SDC1: variants seen among roughly 807,000 people sequenced by gnomAD.
The protein encoded by SDC1 is syndecan 1.
SDC1 carries 14 observed loss-of-function variants against 29.7 expected under a neutral mutation model. That is an observed-to-expected ratio of 0.47 (90% CI 0.31 to 0.74). SDC1 has a LOEUF of 0.74. Ranked by LOEUF, SDC1 falls within the 30% of genes least tolerant of loss-of-function variation. The pLI is 0.05. For missense variants in SDC1, 406 were observed against 400.3 expected (o/e 1.01, Z -0.12); for synonymous variants, 204 against 175.5 (o/e 1.16, Z -1.29).
rs1230103319 is a variant in SDC1 at position 20,202,012 on chromosome 2, C to T, written c.*754G>A. 1 of 470,690 alleles carries T rather than the reference C, an allele frequency of 2.1e-6. No individual in the cohort carries two copies. The highest frequency in any genetic ancestry group is 3.7e-6 in the Non-Finnish European group (1 of 267,784). 29.2% of individuals were successfully genotyped at this position (470,690 alleles called of 1,614,324 possible). On this transcript the variant is annotated 3_prime_UTR_variant, in exon 5 of 5. Coordinates refer to ENST00000254351, the MANE Select transcript of SDC1 (RefSeq NM_002997.5). ...GGGCCACCAGACAGATAGTCCATAC[C>T]CTGTTGCACACATGAGCGACAAACT...
intron 1 of SDC1, among the ~76,000 whole-genome samples, chr2:20,219,045 C>G (rs572472876): frequency 6.6e-6 from 1 of 152,222 alleles, no homozygotes; most frequent in African/African-American, 2.4e-5. Context: ...CCGAGCGCAG[C>G]AGGAGAGGTC....
In SDC1 at chr2:20,202,347, T is replaced by C. The variant is rs762502252; in HGVS notation, c.*419A>G. 6 of 768,184 alleles carry C rather than the reference T, an allele frequency of 7.8e-6. No homozygotes were observed. Among genetic ancestry groups the C allele is most frequent in the Non-Finnish European group, 1.5e-5 (6 of 413,646 alleles). 47.6% of individuals were successfully genotyped at this position (768,184 alleles called of 1,614,324 possible). Reference sequence around the variant, plus strand: ...GCGGCCACCCCCCCAAGATGCTTGGTCCTACCAGTAAGTGCTACAGGTGTG... The same window carrying C: ...GCGGCCACCCCCCCAAGATGCTTGGCCCTACCAGTAAGTGCTACAGGTGTG... On this transcript the variant is annotated 3_prime_UTR_variant, in exon 5 of 5. Coordinates refer to ENST00000254351, the MANE Select transcript of SDC1 (RefSeq NM_002997.5).
intron 1 of SDC1, among the ~76,000 whole-genome samples, chr2:20,205,754 C>T (rs1677246227): frequency 6.6e-6 from 1 of 152,214 alleles, no homozygotes. Context: ...TTATTGGGAA[C>T]AGAGGCTGTG....
At chr2:20,217,618 G>T (rs1248039113) in intron 1 of SDC1, among the ~76,000 whole-genome samples, 1 of 152,170 alleles carries the variant, frequency 6.6e-6, no homozygotes, top group African/African-American at 2.4e-5. Context: ...AGAAAGCCAG[G>T]CCCCTGAGCC....
chr2:20,208,944 C>T (rs756555884), intron 1 of SDC1, among the ~76,000 whole-genome samples: 9 of 152,224 alleles, frequency 5.9e-5, no homozygotes, highest in Non-Finnish European at 1.3e-4. Context: ...GCCCCTTCCC[C>T]ACCCACAGCG....
At position 20,203,130 on chromosome 2, in the gene SDC1, C is replaced by T. The variant is rs772133983; in HGVS notation, c.720G>A (p.Thr240=). 6.2e-6 allele frequency: 10 copies of T among 1,612,212 alleles called. No individual in the cohort carries two copies. The highest frequency in any genetic ancestry group is 5.0e-5 in the Admixed American group (3 of 59,986). The change falls in exon 4 of 5, where the codon ACG becomes ACA. Residue 240 remains threonine, a synonymous_variant. Transcript: ENST00000254351. Reference sequence around the variant, plus strand: ...TGTCCAGGAGGCCCTGTGAGGCCCCCGTGGCCCCCTGATCCACTGGGGACT... The same window carrying T: ...TGTCCAGGAGGCCCTGTGAGGCCCCTGTGGCCCCCTGATCCACTGGGGACT... ...RNQSPVDQGA[T]GASQGLLDRK... is the part of the protein sequence containing the mutation.
At chr2:20,209,260 G>A (rs1293915877) in intron 1 of SDC1, among the ~76,000 whole-genome samples, 4 of 152,140 alleles carry the variant, frequency 2.6e-5, no homozygotes, top group African/African-American at 9.7e-5. Context: ...TGAGGCAGCG[G>A]GGCTGAGATC....
chr2:20,207,422 A>C, intron 1 of SDC1: 2 of 984,010 alleles, frequency 2.0e-6, no homozygotes, highest in African/African-American at 1.7e-5. Context: ...TCTACAATAA[A>C]CAGTCATTGA....
At position 20,216,161 on chromosome 2, in the gene SDC1, C is replaced by G. The variant is rs3771234; in HGVS notation, c.66+8641G>C. Among the ~76,000 whole-genome samples, 21 of 152,352 alleles carry G rather than the reference C, an allele frequency of 1.4e-4. No homozygotes were observed. The East Asian group carries it at 4.1e-3, about 29-fold the overall frequency. On this transcript the variant is annotated intron_variant, in intron 1 of 4. Coordinates refer to ENST00000254351, the MANE Select transcript of SDC1 (RefSeq NM_002997.5). ...CCGAGGAGACTCAGGGGTGAGCTTCCTGGACTTTCCAGGCCTGACCCCAGG... is the reference window on the plus strand; with the variant it reads ...CCGAGGAGACTCAGGGGTGAGCTTCGTGGACTTTCCAGGCCTGACCCCAGG...
chr2:20,204,042 G>C lies in SDC1; in HGVS notation c.398C>G (p.Thr133Ser). 6.2e-7 allele frequency: 1 copy of C among 1,612,322 alleles called. No individual in the cohort carries two copies. The highest frequency in any genetic ancestry group is 8.5e-7 in the Non-Finnish European group (1 of 1,179,336). The stretch of plus-strand genomic sequence containing the variant: ...TGTGGTCGTTGAGGCCAGATGAGTG[G>C]TCGGGAGCTGTGTGGTCTCCCTGGG... ...PRPRETTQLP[T>S]THLASTTTAT... is the part of the protein sequence containing the mutation. Residue 133 changes from threonine (T) to serine (S), a missense_variant, in exon 3 of 5, where the codon ACC becomes AGC. Physicochemically the swap from Thr to Ser is moderately conservative, Grantham distance 58 (BLOSUM62 1). Transcript: ENST00000254351.
rs1156890085 is a variant in SDC1, at chr2:20,202,924, C to T, written c.775G>A (p.Gly259Arg). 3.7e-6 allele frequency: 6 copies of T among 1,611,114 alleles called. No homozygotes were observed. The highest frequency in any genetic ancestry group is 1.1e-5 in the South Asian group (1 of 90,660). ...RKEVLGGVIA[G>R]GLVGLIFAVC... The stretch of plus-strand genomic sequence containing the variant: ...GCAAAGATGAGCCCCACGAGGCCTC[C>T]GGCAATGACCCCTAGGGCAGGTAGA... The change falls in exon 5 of 5, where the codon GGA becomes AGA. Residue 259 changes from glycine (G) to arginine (R), a missense_variant. Gly to Arg is a moderately radical substitution (Grantham distance 125). Transcript: ENST00000254351.
Position 20,204,024 on chromosome 2 carries a change from G to T in SDC1, c.416C>A (p.Thr139Lys), listed in dbSNP as rs542463050. ...CTCCTGGGCCGTGGTGGCTGTGGTC[G>T]TTGAGGCCAGATGAGTGGTCGGGAG... ...TQLPTTHLASTTTATTAQEPA... is the reference protein window; with the variant it reads ...TQLPTTHLASKTTATTAQEPA... Residue 139 changes from threonine (T) to lysine (K), a missense_variant, in exon 3 of 5, where the codon ACG (threonine) becomes AAG (lysine). Transcript: ENST00000254351. 1.9e-6 allele frequency: 3 copies of T among 1,613,270 alleles called. No homozygotes were observed. The highest frequency in any genetic ancestry group is 2.5e-6 in the Non-Finnish European group (3 of 1,179,626).
In SDC1 at chr2:20,202,377, C is replaced by T; in HGVS notation, c.*389G>A. The T allele has an allele frequency of 1.4e-6, 1 of 730,630 alleles. No homozygotes were observed. The allele number at this position is 730,630 out of a possible 1,614,324, so 45.3% of individuals were successfully genotyped here. On this transcript the variant is annotated 3_prime_UTR_variant, in exon 5 of 5. Transcript: ENST00000254351. Reference sequence around the variant, plus strand: ...CCAGTAAGTGCTACAGGTGTGTGAGCCCCAAGCCCCACCCGCAGGATCTTC... The same window carrying T: ...CCAGTAAGTGCTACAGGTGTGTGAGTCCCAAGCCCCACCCGCAGGATCTTC...
Position 20,204,143 on chromosome 2 carries a change from G to T in SDC1, c.297C>A (p.Pro99=). ...GCAGGACTACAGCCTCTCCCTCCTT[G>T]GGCCCCTCTCCAGCCGGCAGGGTGG... The part of the protein sequence containing the change: ...STSTLPAGEG[P]KEGEAVVLPE... Residue 99 remains proline (P), a synonymous_variant, in exon 3 of 5, where the codon CCC becomes CCA. Coordinates refer to ENST00000254351, the MANE Select transcript of SDC1 (RefSeq NM_002997.5). 6.2e-7 allele frequency: 1 copy of T among 1,603,302 alleles called. No individual in the cohort carries two copies.
intron 2 of SDC1, 35 bp downstream of exon 2, chr2:20,205,308 G>C (rs201351021): frequency 6.5e-7 from 1 of 1,546,262 alleles, no homozygotes; most frequent in South Asian, 1.1e-5. Context: ...ACCTGTTGCC[G>C]TCTTGGGTGG....
At chr2:20,205,501 C>G in intron 1 of SDC1, 77 bp from the exon 2 acceptor site, 2 of 1,156,086 alleles carry the variant, frequency 1.7e-6, no homozygotes, top group Non-Finnish European at 1.3e-6. Context: ...TCCTAGACAG[C>G]TGAGTGGACT....
At chr2:20,213,981 C>T (rs773969891) in intron 1 of SDC1, among the ~76,000 whole-genome samples, 2 of 152,134 alleles carry the variant, frequency 1.3e-5, no homozygotes, top group Non-Finnish European at 2.9e-5. Context: ...AAAACAAGTC[C>T]TCTGGGAAGG....
At chr2:20,222,649 G>C (rs1265346776) in intron 1 of SDC1, among the ~76,000 whole-genome samples, 1 of 152,042 alleles carries the variant, frequency 6.6e-6, no homozygotes, top group African/African-American at 2.4e-5. Context: ...TGCCTCCTGG[G>C]CCCTATGTCC....
intron 1 of SDC1, among the ~76,000 whole-genome samples, chr2:20,219,808 C>CAGTT (rs997554007): frequency 6.6e-6 from 1 of 152,242 alleles, no homozygotes; most frequent in African/African-American, 2.4e-5. Flanking sequence ...GCCTAATGAC[C>CAGTT]AGTTCCTCAT....
Sources: allele counts gnomAD v4.1 joint callset (sites outside exome capture counted in the v4.1 genomes callset), GRCh38; gene constraint gnomAD v4.1.1; transcripts MANE v1.5; gene names NCBI Gene and HGNC (gene_info 2026-07-23, HGNC 2026-07-21).